The following NTM variants were observed in gnomAD, a reference collection of about 807,000 sequenced individuals.
NTM encodes the protein IgLON family member 2.
In NTM, 13 loss-of-function variants were observed where a neutral mutation model predicts 42.1. The observed-to-expected ratio is 0.31, with a 90% CI of 0.20 to 0.49. NTM has a LOEUF of 0.49. NTM is among the 20% of genes least tolerant of loss of function. The pLI, the probability that NTM is intolerant of heterozygous loss-of-function variation, is 0.99. For synonymous variants in NTM, 187 were observed against 179.2 expected (o/e 1.04, Z -0.35); for missense variants, 373 against 452.8 (o/e 0.82, Z 1.60).
chr11:132,199,230 G>A lies in NTM; in HGVS notation c.401-12792G>A, dbSNP rs75654536. Among the ~76,000 whole-genome samples, 958 of 152,314 alleles carry A rather than the reference G, an allele frequency of 6.3e-3. 4 individuals carry two copies. The highest frequency in any genetic ancestry group is 0.022 in the African/African-American group (925 of 41,574). The stretch of plus-strand genomic sequence containing the variant: ...ATCTAAGAAAGGCGTGACACCACAG[G>A]TAGGGATGTTTGGTGACTGCAAAGC... On this transcript the variant is annotated intron_variant, in intron 3 of 8. Coordinates refer to ENST00000683400, the MANE Select transcript of NTM (RefSeq NM_001352005.2).
intron 2 of NTM, among the ~76,000 whole-genome samples, chr11:132,142,362 C>T (rs376309464): frequency 2.6e-4 from 40 of 152,258 alleles, no homozygotes; most frequent in Middle Eastern, 3.4e-3. Context: ...GATACCGTAC[C>T]GTGTTTCAGG....
intron 1 of NTM, among the ~76,000 whole-genome samples, chr11:131,816,742 A>G (rs905426472): frequency 3.9e-5 from 6 of 152,110 alleles, no homozygotes; most frequent in African/African-American, 1.4e-4. Context: ...TATCTTTCCT[A>G]GGAGCCCTAT....
chr11:131,387,387 A>G (rs1231731039), intron 1 of NTM, among the ~76,000 whole-genome samples: 1 of 151,880 alleles, frequency 6.6e-6, no homozygotes, highest in East Asian at 1.9e-4. Flanking sequence ...AACACTGAAC[A>G]CTGGTGCCCT....
chr11:131,682,302 G>C (rs1010293071), intron 1 of NTM, among the ~76,000 whole-genome samples: 3 of 152,204 alleles, frequency 2.0e-5, no homozygotes, highest in Non-Finnish European at 4.4e-5. Context: ...TGCCTGGAAG[G>C]CTGCTGTGAG....
intron 2 of NTM, among the ~76,000 whole-genome samples, chr11:132,009,822 A>G (rs2071689101): frequency 6.6e-6 from 1 of 152,184 alleles, no homozygotes; most frequent in Non-Finnish European, 1.5e-5. Flanking sequence ...TCAATTTTGT[A>G]GGAAGGTGAT....
At chr11:131,573,927 A>T (rs986528907) in intron 1 of NTM, among the ~76,000 whole-genome samples, 4 of 152,158 alleles carry the variant, frequency 2.6e-5, no homozygotes, top group African/African-American at 9.7e-5. Context: ...TTTGCTCACC[A>T]GACACAGCCC....
At chr11:131,431,249 A>G (rs1948626895) in intron 1 of NTM, among the ~76,000 whole-genome samples, 1 of 152,132 alleles carries the variant, frequency 6.6e-6, no homozygotes, top group Admixed American at 6.5e-5. Context: ...GAAAGCAGAA[A>G]GGATGCCCGA....
chr11:132,147,319 C>T (rs1389384375), intron 3 of NTM, among the ~76,000 whole-genome samples: 1 of 151,990 alleles, frequency 6.6e-6, no homozygotes, highest in Non-Finnish European at 1.5e-5. Context: ...AGTCCTGGGG[C>T]ATTCAGACAA....
At chr11:131,592,884 C>T (rs549736350) in intron 1 of NTM, among the ~76,000 whole-genome samples, 1 of 152,224 alleles carries the variant, frequency 6.6e-6, no homozygotes, top group Admixed American at 6.5e-5. Flanking sequence ...CTGCCATCAT[C>T]TCTGATGCTG....
At chr11:132,225,714 AT>A (rs770163049) in intron 4 of NTM, among the ~76,000 whole-genome samples, 4 of 152,170 alleles carry the variant, frequency 2.6e-5, no homozygotes, top group Non-Finnish European at 5.9e-5. Context: ...TTTTATTTAA[AT>A]TTATTTTTTA....
intron 1 of NTM, among the ~76,000 whole-genome samples, chr11:131,702,795 A>T (rs1215038608): frequency 6.6e-6 from 1 of 152,262 alleles, no homozygotes; most frequent in Non-Finnish European, 1.5e-5. Context: ...AAATTGAAAA[A>T]TAATACAGGA....
At chr11:131,784,707 T>C (rs960172087) in intron 1 of NTM, among the ~76,000 whole-genome samples, 4 of 152,210 alleles carry the variant, frequency 2.6e-5, no homozygotes, top group Non-Finnish European at 4.4e-5. Context: ...CACACATATG[T>C]GTAATTGTAC....
intron 4 of NTM, among the ~76,000 whole-genome samples, chr11:132,267,059 CA>C (rs2093225383): frequency 6.6e-6 from 1 of 152,186 alleles, no homozygotes; most frequent in Non-Finnish European, 1.5e-5. Flanking sequence ...CATTTATCAA[CA>C]TTTTCATGTG....
At chr11:131,637,355 T>C (rs201229379) in intron 1 of NTM, among the ~76,000 whole-genome samples, 3 of 151,894 alleles carry the variant, frequency 2.0e-5, no homozygotes, top group Non-Finnish European at 4.4e-5. Flanking sequence ...GGAATGTTTG[T>C]GCATATTGAG....
At chr11:131,723,060 C>G (rs2078557076) in intron 1 of NTM, among the ~76,000 whole-genome samples, 1 of 152,236 alleles carries the variant, frequency 6.6e-6, no homozygotes, top group Non-Finnish European at 1.5e-5. Flanking sequence ...GGCCACATAG[C>G]CAGTTGATGG....
intron 2 of NTM, among the ~76,000 whole-genome samples, chr11:132,043,522 G>A (rs560347787): frequency 3.8e-4 from 58 of 151,684 alleles, no homozygotes; most frequent in African/African-American, 1.2e-3. Flanking sequence ...CTGGGTGCAC[G>A]TTGGCCCCAC....
intron 4 of NTM, among the ~76,000 whole-genome samples, chr11:132,281,180 C>T (rs573559665): frequency 3.5e-4 from 53 of 152,254 alleles, no homozygotes; most frequent in African/African-American, 9.9e-4. Flanking sequence ...TTGGGTGTGA[C>T]CAGTGGGTCT....
intron 1 of NTM, among the ~76,000 whole-genome samples, chr11:131,604,511 A>G (rs2060762456): frequency 6.6e-6 from 1 of 152,116 alleles, no homozygotes; most frequent in African/African-American, 2.4e-5. Flanking sequence ...TTTGAATCAT[A>G]AAAGTTTTAA....
chr11:131,770,632 T>A (rs1321989030), intron 1 of NTM, among the ~76,000 whole-genome samples: 1 of 152,202 alleles, frequency 6.6e-6, no homozygotes, highest in Non-Finnish European at 1.5e-5. Context: ...TTGATGAAGA[T>A]GATAGCTCCC....
Sources: gnomAD v4.1 joint callset for allele counts (sites outside exome capture counted in the v4.1 genomes callset) on GRCh38, gnomAD v4.1.1 for gene constraint, MANE v1.5 for transcripts, NCBI Gene and HGNC (gene_info 2026-07-23, HGNC 2026-07-21) for gene names.